ROS1: variants seen among roughly 807,000 people sequenced by gnomAD.
The protein encoded by ROS1 is proto-oncogene tyrosine-protein kinase ROS.
Under a neutral mutation model 273.5 loss-of-function variants are expected in ROS1, and 263 were observed. The observed-to-expected ratio is 0.96, with a 90% CI of 0.87 to 1.06. ROS1 has a LOEUF of 1.06. Among genes scored for constraint, ROS1 ranks in the 50% least tolerant of loss-of-function variants. The pLI is 0.00. For synonymous variants in ROS1, 1,008 were observed against 954.1 expected (o/e 1.06, Z -1.04); for missense variants, 2,833 against 2,751.1 (o/e 1.03, Z -0.67).
chr6:117,406,959 A>G, intron 5 of ROS1, among the ~76,000 whole-genome samples: 1 of 152,126 alleles, frequency 6.6e-6, no homozygotes, highest in Non-Finnish European at 1.5e-5. Context: ...GAGTGTCTAA[A>G]ATACTCCATG....
intron 15 of ROS1, 137 bp from the exon 16 acceptor site, chr6:117,385,998 A>C (rs1772549746): frequency 1.5e-6 from 1 of 686,736 alleles, no homozygotes; most frequent in East Asian, 2.7e-5. Context: ...TTGATCTGTC[A>C]AGAATATTTA....
rs2128548626 is a variant in ROS1 at position 117,310,242 on chromosome 6, G to A, written c.6255C>T (p.Asp2085=). ...TCTTCACTATCCGTGGACTGGTATA[G>A]TCTTTCACGGAAACAAGGCAATTTC... is the stretch of plus-strand genomic sequence containing the variant. ...AARNCLVSVK[D]YTSPRIVKIG... is the part of the protein sequence containing the mutation. Residue 2085 remains aspartate (D), a synonymous_variant, in exon 41 of 44, where the codon GAC becomes GAT. Transcript: ENST00000368507. The A allele has an allele frequency of 6.2e-7, 1 of 1,611,386 alleles. No homozygotes were observed. Among genetic ancestry groups the A allele is most frequent in the Non-Finnish European group, 8.5e-7 (1 of 1,178,548 alleles).
Position 117,389,788 on chromosome 6 carries a change from C to A in ROS1, c.1348G>T (p.Gly450Cys). ...IYRADLPVPS[G>C]RCAEAVRIVE... ...ATACGCACAGCTTCTGCACACCGGC[C>A]AGATGGTACAGGAAGGTCTGCTCTA... Residue 450 changes from glycine to cysteine, a missense_variant, in exon 13 of 44, where the codon GGC becomes TGC. By Grantham distance (159) the Gly-to-Cys change is radical. Transcript: ENST00000368507. 6.2e-7 allele frequency: 1 copy of A among 1,614,092 alleles called. No individual in the cohort carries two copies. The highest frequency in any genetic ancestry group is 8.5e-7 in the Non-Finnish European group (1 of 1,179,978).
chr6:117,381,431 C>G (rs1224905771), intron 17 of ROS1, among the ~76,000 whole-genome samples: 1 of 151,896 alleles, frequency 6.6e-6, no homozygotes, highest in Admixed American at 6.6e-5. Flanking sequence ...TATTATATTA[C>G]TCTGTATGCT....
intron 21 of ROS1, among the ~76,000 whole-genome samples, chr6:117,364,430 T>C (rs1371748939): frequency 1.3e-5 from 2 of 152,216 alleles, no homozygotes; most frequent in African/African-American, 4.8e-5. Flanking sequence ...ACTATTTTAT[T>C]TGGGCAACTA....
chr6:117,312,399 G>GTTCT (rs1449407837), intron 39 of ROS1, among the ~76,000 whole-genome samples: 2 of 152,050 alleles, frequency 1.3e-5, no homozygotes, highest in East Asian at 3.9e-4. Context: ...TATTGCCATG[G>GTTCT]TTCTGCTCAG....
rs764834127 is a variant in ROS1 at position 117,403,151 on chromosome 6, G to T, written c.592C>A (p.His198Asn). The T allele has an allele frequency of 1.9e-6, 3 of 1,613,960 alleles. No individual in the cohort carries two copies. In the East Asian group the frequency reaches 6.7e-5, roughly 36 times the overall value. ...GTGCACACCATACCTCCATGAGGAT[G>T]AGTCCTGTAACTGGGACTTGGAGGG... Reference protein sequence around the residue: ...YSPPSPSYRTHPHGVPETAPL... With the variant: ...YSPPSPSYRTNPHGVPETAPL... The change falls in exon 7 of 44, where the codon CAT (histidine) becomes AAT (asparagine). Residue 198 changes from histidine (H) to asparagine (N), a missense_variant. Physicochemically the swap from His to Asn is moderately conservative, Grantham distance 68 (BLOSUM62 1). Transcript: ENST00000368507.
At chr6:117,315,327 A>C (rs1330292108) in intron 39 of ROS1, among the ~76,000 whole-genome samples, 4 of 152,106 alleles carry the variant, frequency 2.6e-5, no homozygotes, top group African/African-American at 9.7e-5. Context: ...AGAGGGAATA[A>C]GGAATTCTAT....
chr6:117,386,962 A>G lies in ROS1; in HGVS notation c.2037T>C (p.Asp679=), dbSNP rs1459519195. The part of the protein sequence containing the change: ...EPPFIMAVKE[D]GLWSKPLNSF... ...TATTTAATGGTTTACTCCAAAGCCCATCTTCTTTCACAGCCATGATAAATG... is the reference window on the plus strand; with the variant it reads ...TATTTAATGGTTTACTCCAAAGCCCGTCTTCTTTCACAGCCATGATAAATG... The change falls in exon 15 of 44, where the codon GAT becomes GAC. Residue 679 remains aspartate (D), a synonymous_variant. Transcript: ENST00000368507. 1.2e-6 allele frequency: 2 copies of G among 1,612,798 alleles called. No individual in the cohort carries two copies. Among genetic ancestry groups the G allele is most frequent in the South Asian group, 1.1e-5 (1 of 90,992 alleles).
chr6:117,394,139 C>G, intron 11 of ROS1, 23 bp downstream of exon 11: 1 of 1,501,116 alleles, frequency 6.7e-7, no homozygotes, highest in East Asian at 2.4e-5. Flanking sequence ...TATCACTATT[C>G]CTCTTTAACT....
At chr6:117,305,381 C>G (rs1775026540) in intron 42 of ROS1, among the ~76,000 whole-genome samples, 1 of 152,188 alleles carries the variant, frequency 6.6e-6, no homozygotes, top group African/African-American at 2.4e-5. Flanking sequence ...GCCACTTGCA[C>G]ATCACTCACT....
chr6:117,337,030 G>C (rs17079053), intron 32 of ROS1, 142 bp downstream of exon 32: 82,592 of 703,386 alleles, frequency 0.12, 5,224 homozygotes, highest in Middle Eastern at 0.17. Flanking sequence ...TATATTTTCT[G>C]AATTTCTTCA....
At chr6:117,352,776 G>T (rs147609257) in intron 27 of ROS1, among the ~76,000 whole-genome samples, 5 of 152,284 alleles carry the variant, frequency 3.3e-5, no homozygotes, top group African/African-American at 1.2e-4. Flanking sequence ...GTCTAAAGTT[G>T]CCCACCACAC....
chr6:117,381,023 G>C (rs1310160631), intron 17 of ROS1, among the ~76,000 whole-genome samples: 1 of 152,022 alleles, frequency 6.6e-6, no homozygotes, highest in Non-Finnish European at 1.5e-5. Flanking sequence ...GAACAAGAGA[G>C]AGATGAAGAG....
At chr6:117,423,898 A>G (rs192315354) in intron 1 of ROS1, among the ~76,000 whole-genome samples, 9 of 152,262 alleles carry the variant, frequency 5.9e-5, no homozygotes, top group African/African-American at 1.9e-4. Context: ...TCCAGGCCCT[A>G]TGTGGGAACA....
In ROS1 at chr6:117,391,475, G is replaced by A. The variant is rs536643749; in HGVS notation, c.1290-1629C>T. On this transcript the variant is annotated intron_variant, in intron 12 of 43. Transcript: ENST00000368507. ...TGGGGTGGAAGAAGATGGGGAAGTG[G>A]TGGTAGGAAGAAAAGCAGAGGTTTT... Among the ~76,000 whole-genome samples, 3 of 152,250 alleles carry A rather than the reference G, an allele frequency of 2.0e-5. No homozygotes were observed. The East Asian group carries it at 5.8e-4, about 29-fold the overall frequency.
intron 15 of ROS1, 84 bp downstream of exon 15, chr6:117,386,805 C>A: frequency 1.5e-6 from 1 of 651,898 alleles, no homozygotes; most frequent in South Asian, 2.8e-5. Context: ...CAAAAATACC[C>A]TATTCTTTTG....
chr6:117,359,930 C>G lies in ROS1; in HGVS notation c.3512G>C (p.Trp1171Ser). The G allele has an allele frequency of 6.2e-7, 1 of 1,613,856 alleles. No individual in the cohort carries two copies. The highest frequency in any genetic ancestry group is 8.5e-7 in the Non-Finnish European group (1 of 1,179,876). Residue 1171 changes from tryptophan (W) to serine (S), a missense_variant, in exon 24 of 44, where the codon TGG becomes TCG. Physicochemically the swap from Trp to Ser is radical, Grantham distance 177. Coordinates refer to ENST00000368507, the MANE Select transcript of ROS1 (RefSeq NM_001378902.1). Reference sequence around the variant, plus strand: ...GATAACTCTTTCTGCTGAAAACGTCCACACAACTTGATTTTGATCCATATC... The same window carrying G: ...GATAACTCTTTCTGCTGAAAACGTCGACACAACTTGATTTTGATCCATATC... The part of the protein sequence containing the change: ...FLDMDQNQVV[W>S]TFSAERVISA...
intron 26 of ROS1, among the ~76,000 whole-genome samples, chr6:117,354,158 C>T (rs1188148940): frequency 6.6e-6 from 1 of 152,096 alleles, no homozygotes; most frequent in African/African-American, 2.4e-5. Flanking sequence ...CAAGACTAGA[C>T]TGGGCAGCAT....
Sources: gnomAD v4.1 joint callset for allele counts (sites outside exome capture counted in the v4.1 genomes callset) on GRCh38, gnomAD v4.1.1 for gene constraint, MANE v1.5 for transcripts, NCBI Gene and HGNC (gene_info 2026-07-23, HGNC 2026-07-21) for gene names.